Variants in ARFIP2 observed in about 807,000 individuals in gnomAD.
The protein encoded by ARFIP2 is arfaptin-2.
ARFIP2 carries 14 observed loss-of-function variants against 39.2 expected under a neutral mutation model. That is an observed-to-expected ratio of 0.36 (90% CI 0.24 to 0.56). The LOEUF (loss-of-function observed/expected upper bound fraction) is 0.56. Ranked by LOEUF, ARFIP2 falls within the 20% of genes least tolerant of loss-of-function variation. ARFIP2 has a pLI of 0.85. For synonymous variants in ARFIP2, 167 were observed against 172.4 expected, an observed-to-expected ratio of 0.97 and a Z score of 0.24; for missense variants, 305 against 422.5, an observed-to-expected ratio of 0.72 and a Z score of 2.44.
Position 6,477,150 on chromosome 11 carries a change from G to A in ARFIP2, c.989C>T (p.Pro330Leu), listed in dbSNP as rs780059833. 7 of 1,611,412 alleles carry A rather than the reference G, an allele frequency of 4.3e-6. No homozygotes were observed. In the African/African-American group the frequency reaches 8.0e-5, roughly 18 times the overall value. Residue 330 changes from proline to leucine, a missense_variant, in exon 8 of 8, where the codon CCA becomes CTA. Pro to Leu is a moderately conservative substitution (Grantham distance 98). Transcript: ENST00000396777. The surrounding 1 kb of genome is among the most constrained non-coding windows in gnomAD (Gnocchi z 4.8). ...TAGCCAGGAGGGTTTCTCAGCTCCT[G>A]GAGGCCGCAGCTTGATGTTGAACTG... ...LQQFNIKLRP[P>L]GAEKPSWLEE...
chr11:6,476,752 G>A lies in ARFIP2; in HGVS notation c.*361C>T. ...ATTGGCCCAGGGGAGTCCGAGAAGA[G>A]CTGCCATTGGCTGACAGGGCATTTT... is the stretch of plus-strand genomic sequence containing the variant. On this transcript the variant is annotated 3_prime_UTR_variant, in exon 8 of 8. Transcript: ENST00000396777. The A allele has an allele frequency of 4.3e-6, 1 of 232,850 alleles. No homozygotes were observed. Among genetic ancestry groups the A allele is most frequent in the Non-Finnish European group, 8.6e-6 (1 of 116,246 alleles). The allele number at this position is 232,850 out of a possible 1,614,324, so 14.4% of individuals were successfully genotyped here. A position where few individuals can be genotyped will look rare whatever the true frequency, so the allele number is the denominator to read the frequency against.
In ARFIP2 at chr11:6,476,995, G is replaced by GA; in HGVS notation, c.*117dup. 7.8e-7 allele frequency: 1 copy of GA among 1,284,860 alleles called. No individual in the cohort carries two copies. Among genetic ancestry groups the GA allele is most frequent in the Non-Finnish European group, 1.0e-6 (1 of 957,936 alleles). 79.6% of individuals were successfully genotyped at this position (1,284,860 alleles called of 1,614,324 possible). ...CAAAACTGGTGTCAGGCCCCAGCCA[G>GA]AAAAAGGAGCCCAAGCCAGAGGGCA... is the stretch of plus-strand genomic sequence containing the variant. On this transcript the variant is annotated 3_prime_UTR_variant, in exon 8 of 8. Coordinates refer to ENST00000396777, the MANE Select transcript of ARFIP2 (RefSeq NM_001376558.2).
At position 6,477,789 on chromosome 11, in the gene ARFIP2, C is replaced by G. The variant is rs1402562567; in HGVS notation, c.799G>C (p.Ala267Pro). ...AGCTTCTCATACTTGTCCCGATGGG[C>G]CTGGAAAGTGGCCTGGGCACTCTCA... ...RLESAQATFQ[A>P]HRDKYEKLRG... The change falls in exon 7 of 8, where the codon GCC (alanine) becomes CCC (proline). Residue 267 changes from alanine (A) to proline (P), a missense_variant. Coordinates refer to ENST00000396777, the MANE Select transcript of ARFIP2 (RefSeq NM_001376558.2). The surrounding 1 kb of genome is among the most constrained non-coding windows in gnomAD (Gnocchi z 4.8). 1 of 1,613,990 alleles carries G rather than the reference C, an allele frequency of 6.2e-7. No individual in the cohort carries two copies. Among genetic ancestry groups the G allele is most frequent in the South Asian group, 1.1e-5 (1 of 91,076 alleles).
rs1851690924 is a variant in ARFIP2, at chr11:6,480,974, TC to T, written c.-43+256del. ...CTCCTCCGTCTCATACACCTCGTCT[TC>T]CTCGGGCCCTCCCCACCAGGCCTTA... is the stretch of plus-strand genomic sequence containing the variant. On this transcript the variant is annotated intron_variant, in intron 1 of 7. Transcript: ENST00000396777. 3 of 175,362 alleles carry T rather than the reference TC, an allele frequency of 1.7e-5. No individual in the cohort carries two copies. The South Asian group carries it at 3.5e-4, about 20-fold the overall frequency. 10.9% of individuals were successfully genotyped at this position (175,362 alleles called of 1,614,324 possible).
At position 6,480,487 on chromosome 11, in the gene ARFIP2, C is replaced by T. The variant is rs192404996; in HGVS notation, c.-42-24G>A. On this transcript the variant is annotated intron_variant, in intron 1 of 7. Coordinates refer to ENST00000396777, the MANE Select transcript of ARFIP2 (RefSeq NM_001376558.2). Reference sequence around the variant, plus strand: ...CCCTGCAAAGCCCAACACAGAAGTTCTGGACACTGGCCAGCACTCTAGAAG... The same window carrying T: ...CCCTGCAAAGCCCAACACAGAAGTTTTGGACACTGGCCAGCACTCTAGAAG... 6.8e-4 allele frequency: 880 copies of T among 1,284,686 alleles called. 2 individuals are homozygous for T. The African/African-American group carries it at 0.01, about 15-fold the overall frequency. The allele number at this position is 1,284,686 out of a possible 1,614,324, so 79.6% of individuals were successfully genotyped here.
Position 6,478,819 on chromosome 11 carries a change from G to T in ARFIP2, c.456C>A (p.Ala152=), listed in dbSNP as rs775708175. The T allele has an allele frequency of 2.5e-6, 4 of 1,614,166 alleles. No individual in the cohort carries two copies. In the Admixed American group the frequency reaches 6.7e-5, roughly 27 times the overall value. ...SVLQLGRALT[A]HLYSLLQTQH... ...GGGTCTGCAGCAGGCTGTAGAGGTG[G>T]GCTGTCAGTGCCCGGCCCAGCTGCA... Residue 152 remains alanine (A), a synonymous_variant, in exon 5 of 8, where the codon GCC becomes GCA. Coordinates refer to ENST00000396777, the MANE Select transcript of ARFIP2 (RefSeq NM_001376558.2). The surrounding 1 kb of genome is among the most constrained non-coding windows in gnomAD (Gnocchi z 4.8).
At chr11:6,480,839 G>C (rs1422963092) in intron 1 of ARFIP2, 1 of 174,732 alleles carries the variant, frequency 5.7e-6, no homozygotes, top group Non-Finnish European at 1.2e-5. Flanking sequence ...CTGAGGAGAT[G>C]AACCCTTTCC....
At chr11:6,479,890 C>G in intron 3 of ARFIP2, 82 bp downstream of exon 3, 1 of 1,365,502 alleles carries the variant, frequency 7.3e-7, no homozygotes, top group Non-Finnish European at 1.0e-6. Context: ...ATAATTCAAG[C>G]TTTCCTAGAC....
At chr11:6,480,224 G>A in intron 2 of ARFIP2, 99 bp downstream of exon 2, 1 of 1,341,940 alleles carries the variant, frequency 7.5e-7, no homozygotes, top group Non-Finnish European at 1.1e-6. Context: ...AAGGGAGTCA[G>A]ATAAGTCAGG....
chr11:6,479,350 T>C (rs756239714), intron 3 of ARFIP2, 92 bp from the exon 4 acceptor site: 12 of 1,607,376 alleles, frequency 7.5e-6, no homozygotes, highest in Non-Finnish European at 1.0e-5. Flanking sequence ...CACATGAAAT[T>C]GACTTCCCTG....
At chr11:6,479,066 A>G (rs886412445) in intron 4 of ARFIP2, 74 bp downstream of exon 4, 88 of 1,585,118 alleles carry the variant, frequency 5.6e-5, no homozygotes, top group Middle Eastern at 3.4e-4. Flanking sequence ...CAGATGGGAT[A>G]TTACGATCAC....
rs903661259 is a variant in ARFIP2, at chr11:6,478,498, C to G, written c.537+240G>C. 7.7e-7 allele frequency: 1 copy of G among 1,306,118 alleles called. No individual in the cohort carries two copies. The highest frequency in any genetic ancestry group is 2.5e-5 in the East Asian group (1 of 39,388). The allele number at this position is 1,306,118 out of a possible 1,614,324, so 80.9% of individuals were successfully genotyped here. A position where few individuals can be genotyped will look rare whatever the true frequency, so the allele number is the denominator to read the frequency against. ...AGGCTGAGCACGAAGGCATTCTCCC[C>G]AGTGCAGAGAGGGGTTATTTGTGAG... On this transcript the variant is annotated intron_variant, in intron 5 of 7. Transcript: ENST00000396777. This position sits in a 1 kb window ranked among gnomAD's most constrained non-coding sequence, Gnocchi z 4.8.
rs748383550 is a variant in ARFIP2, at chr11:6,479,167, G to A, written c.288C>T (p.Val96=). 6 of 1,614,128 alleles carry A rather than the reference G, an allele frequency of 3.7e-6. No homozygotes were observed. The highest frequency in any genetic ancestry group is 3.4e-6 in the Non-Finnish European group (4 of 1,180,038). Residue 96 remains valine, a synonymous_variant, in exon 4 of 8, where the codon GTC becomes GTT. Coordinates refer to ENST00000396777, the MANE Select transcript of ARFIP2 (RefSeq NM_001376558.2). The part of the protein sequence containing the change: ...RGIAGEKFDI[V]KKWGINTYKC... The stretch of plus-strand genomic sequence containing the variant: ...TATAGGTGTTGATGCCCCATTTCTT[G>A]ACGATGTCAAACTTTTCTCCAGCAA...
rs1402003844 is a variant in ARFIP2, at chr11:6,477,178, G to A, written c.961C>T (p.Gln321Ter). ...GGCCGCAGCTTGATGTTGAACTGCT[G>A]CAGGGTCTGCTCCAGCTGTTTCTGG... ...GNQKQLEQTLQQFNIKLRPPG... is the reference protein window; with the variant it reads ...GNQKQLEQTL The change falls in exon 8 of 8, where the codon CAG becomes TAG. Residue 321 changes from glutamine (Q) to a stop codon, truncating the protein, a stop_gained. Coordinates refer to ENST00000396777, the MANE Select transcript of ARFIP2 (RefSeq NM_001376558.2). LOFTEE classifies it high-confidence loss of function. This position sits in a 1 kb window ranked among gnomAD's most constrained non-coding sequence, Gnocchi z 4.8. 1 of 1,612,694 alleles carries A rather than the reference G, an allele frequency of 6.2e-7. No homozygotes were observed. Among genetic ancestry groups the A allele is most frequent in the East Asian group, 2.2e-5 (1 of 44,868 alleles).
In ARFIP2 at chr11:6,477,334, A is replaced by G; in HGVS notation, c.871-66T>C. 1 of 1,546,334 alleles carries G rather than the reference A, an allele frequency of 6.5e-7. No homozygotes were observed. Among genetic ancestry groups the G allele is most frequent in the East Asian group, 2.3e-5 (1 of 42,796 alleles). ...CCCTTCTTGAGGGTCTATGAGCCTG[A>G]GCCCAGGCACAGACCAGGGGCACAA... On this transcript the variant is annotated intron_variant, in intron 7 of 7. Coordinates refer to ENST00000396777, the MANE Select transcript of ARFIP2 (RefSeq NM_001376558.2). The surrounding 1 kb of genome is among the most constrained non-coding windows in gnomAD (Gnocchi z 4.8).
In ARFIP2 at chr11:6,477,085, T is replaced by G. The variant is rs1172282971; in HGVS notation, c.*28A>C. 2.5e-6 allele frequency: 4 copies of G among 1,595,256 alleles called. No individual in the cohort carries two copies. The African/African-American group carries it at 4.0e-5, about 16-fold the overall frequency. The stretch of plus-strand genomic sequence containing the variant: ...GGGGCTGCCCTTCCCAATGTCTTTC[T>G]TGATAGCCAAGTTGGGCTGGGAGCA... On this transcript the variant is annotated 3_prime_UTR_variant, in exon 8 of 8. Coordinates refer to ENST00000396777, the MANE Select transcript of ARFIP2 (RefSeq NM_001376558.2). The surrounding 1 kb of genome is among the most constrained non-coding windows in gnomAD (Gnocchi z 4.8).
At chr11:6,479,630 CCT>C (rs1479938255) in intron 3 of ARFIP2, 6 of 545,218 alleles carry the variant, frequency 1.1e-5, no homozygotes, top group Non-Finnish European at 9.7e-6. Flanking sequence ...GCTGTTTGTT[CCT>C]CTAAACTTTA....
At chr11:6,479,052 G>A (rs1182630757) in intron 4 of ARFIP2, 88 bp downstream of exon 4, 2 of 1,578,680 alleles carry the variant, frequency 1.3e-6, no homozygotes, top group Non-Finnish European at 8.7e-7. Context: ...CCTACTCTCA[G>A]CCACAGATGG....
Position 6,478,025 on chromosome 11 carries a change from C to G in ARFIP2, c.695+16G>C, listed in dbSNP as rs756714347. 5 of 1,612,900 alleles carry G rather than the reference C, an allele frequency of 3.1e-6. No homozygotes were observed. The highest frequency in any genetic ancestry group is 1.7e-6 in the Non-Finnish European group (2 of 1,179,118). ...CAGCCAACTCCCCAAACCCTAAGCC[C>G]TGCCAGTGCCCACACCTGGCAGCCT... is the stretch of plus-strand genomic sequence containing the variant. On this transcript the variant is annotated intron_variant, in intron 6 of 7. Coordinates refer to ENST00000396777, the MANE Select transcript of ARFIP2 (RefSeq NM_001376558.2). The surrounding 1 kb of genome is among the most constrained non-coding windows in gnomAD (Gnocchi z 4.8).
Sources: allele counts gnomAD v4.1 joint callset, GRCh38; gene constraint gnomAD v4.1.1; non-coding constraint Gnocchi (gnomAD v3.1); transcripts MANE v1.5; gene names NCBI Gene and HGNC (gene_info 2026-07-23, HGNC 2026-07-21).